Variants in ZC3H12D observed in about 807,000 individuals in gnomAD.
ZC3H12D encodes probable ribonuclease ZC3H12D.
ZC3H12D carries 11 observed loss-of-function variants against 24.2 expected under a neutral mutation model. The ratio of observed to expected loss-of-function variants is 0.46; its 90% confidence interval spans 0.29 to 0.75. The LOEUF (loss-of-function observed/expected upper bound fraction) is 0.75. Ranked by LOEUF, ZC3H12D falls within the 30% of genes least tolerant of loss-of-function variation. ZC3H12D has a pLI of 0.11. For missense variants in ZC3H12D, 740 were observed against 767.7 expected, an observed-to-expected ratio of 0.96 and a Z score of 0.43; for synonymous variants, 333 against 341.8, an observed-to-expected ratio of 0.97 and a Z score of 0.28.
rs1249854889 is a variant in ZC3H12D, at chr6:149,474,412, G to T, written c.132C>A (p.Gly44=). 8.7e-6 allele frequency: 14 copies of T among 1,608,214 alleles called. No individual in the cohort carries two copies. The highest frequency in any genetic ancestry group is 1.2e-5 in the Non-Finnish European group (14 of 1,175,792). The change falls in exon 2 of 6, where the codon GGC becomes GGA. Residue 44 remains glycine, a synonymous_variant. Coordinates refer to ENST00000409806, the MANE Select transcript of ZC3H12D (RefSeq NM_207360.3). The stretch of plus-strand genomic sequence containing the variant: ...GGTGCTCCAGGGCACCCGGGCGGCT[G>T]CCCGTGCGGATAAGCTCCTGCAGCA... The part of the protein sequence containing the change: ...NDVLQELIRT[G]SRPGALEHPA...
intron 3 of ZC3H12D, among the ~76,000 whole-genome samples, chr6:149,459,305 C>A (rs1457468753): frequency 6.6e-6 from 1 of 152,212 alleles, no homozygotes. Flanking sequence ...CAGTTCATGA[C>A]AGGGAACTGA....
intron 4 of ZC3H12D, among the ~76,000 whole-genome samples, chr6:149,454,098 C>T (rs1775942484): frequency 6.6e-6 from 1 of 152,220 alleles, no homozygotes; most frequent in African/African-American, 2.4e-5. Context: ...TAACCTCCTC[C>T]TCTGCGCACC....
chr6:149,483,955 G>A (rs534980805), intron 1 of ZC3H12D, among the ~76,000 whole-genome samples: 2 of 152,304 alleles, frequency 1.3e-5, no homozygotes, highest in African/African-American at 4.8e-5. Flanking sequence ...CTCTGCCTCT[G>A]GGCCTCTGTG....
In ZC3H12D at chr6:149,474,256, G is replaced by A; in HGVS notation, c.288C>T (p.Gly96=). 1.3e-6 allele frequency: 2 copies of A among 1,486,392 alleles called. No individual in the cohort carries two copies. Among genetic ancestry groups the A allele is most frequent in the Non-Finnish European group, 1.8e-6 (2 of 1,108,678 alleles). 92.1% of individuals were successfully genotyped at this position (1,486,392 alleles called of 1,614,324 possible). The part of the protein sequence containing the change: ...ASSLRPIVID[G]SNVAMSHGNK... Reference sequence around the variant, plus strand: ...GAAGCTACCTCATCGCCACGTTGCTGCCATCAATCACTATGGGTCGCAGAG... The same window carrying A: ...GAAGCTACCTCATCGCCACGTTGCTACCATCAATCACTATGGGTCGCAGAG... Residue 96 remains glycine, a synonymous_variant, in exon 2 of 6, where the codon GGC becomes GGT. Coordinates refer to ENST00000409806, the MANE Select transcript of ZC3H12D (RefSeq NM_207360.3).
At position 149,456,623 on chromosome 6, in the gene ZC3H12D, G is replaced by GGGGGCCCGGCC; in HGVS notation, c.680+42_680+43insGGCCGGGCCCC. The GGGGGCCCGGCC allele has an allele frequency of 1.3e-6, 1 of 744,590 alleles. No homozygotes were observed. Among genetic ancestry groups the GGGGGCCCGGCC allele is most frequent in the Non-Finnish European group, 2.2e-6 (1 of 456,108 alleles). The allele number at this position is 744,590 out of a possible 1,614,324, so 46.1% of individuals were successfully genotyped here. On this transcript the variant is annotated intron_variant, in intron 4 of 5. Coordinates refer to ENST00000409806, the MANE Select transcript of ZC3H12D (RefSeq NM_207360.3). The surrounding 1 kb of genome is among the most constrained non-coding windows in gnomAD (Gnocchi z 4.3). ...GCCACTGCCTCGACCCCGGCCCCCC[G>GGGGGCCCGGCC]CCCCGCCGCCCCCCAGGGTGTCAGG...
At chr6:149,462,291 T>C in intron 2 of ZC3H12D, among the ~76,000 whole-genome samples, 1 of 152,086 alleles carries the variant, frequency 6.6e-6, no homozygotes, top group Non-Finnish European at 1.5e-5. Context: ...GGAAAATCAC[T>C]TGAACCCGAA....
chr6:149,458,617 AGGGTATATCTCCAAGAGTGAATAT>A (rs1200208392), intron 3 of ZC3H12D, among the ~76,000 whole-genome samples: 1 of 152,214 alleles, frequency 6.6e-6, no homozygotes, highest in Non-Finnish European at 1.5e-5. Context: ...GGACCTCTTC[AGGGTATATCTCCAAGAGTGAATAT>A]GGCTGAGCTG....
chr6:149,480,466 C>T (rs1165520393), intron 1 of ZC3H12D, among the ~76,000 whole-genome samples: 3 of 152,208 alleles, frequency 2.0e-5, no homozygotes, highest in African/African-American at 7.2e-5. Flanking sequence ...AAGAAGAGAA[C>T]AATAGATACC....
chr6:149,451,157 C>T lies in ZC3H12D; in HGVS notation c.1110G>A (p.Thr370=). The change falls in exon 6 of 6, where the codon ACG becomes ACA. Residue 370 remains threonine, a synonymous_variant. Transcript: ENST00000409806. ...CCCAGTCGGGCCCGCCCAGTCGGGG[C>T]GTGAGGCTGCAGGCGGGGACCGGGA... ...PPLPVPACSL[T]PRLGGPDWVS... is the part of the protein sequence containing the mutation. 1 of 1,329,204 alleles carries T rather than the reference C, an allele frequency of 7.5e-7. No homozygotes were observed. 82.3% of individuals were successfully genotyped at this position (1,329,204 alleles called of 1,614,324 possible). A position where few individuals can be genotyped will look rare whatever the true frequency, so the allele number is the denominator to read the frequency against.
chr6:149,460,229 C>A (rs535276539), intron 3 of ZC3H12D, among the ~76,000 whole-genome samples: 1 of 152,332 alleles, frequency 6.6e-6, no homozygotes, highest in Non-Finnish European at 1.5e-5. Context: ...ATGTTCAAAG[C>A]AAATACTCAT....
chr6:149,471,705 G>A (rs1169323733), intron 2 of ZC3H12D, among the ~76,000 whole-genome samples: 1 of 152,188 alleles, frequency 6.6e-6, no homozygotes, highest in East Asian at 1.9e-4. Context: ...ACAGTCTCTA[G>A]AAGCTGGAAA....
At position 149,456,881 on chromosome 6, in the gene ZC3H12D, C is replaced by T. The variant is rs373561994; in HGVS notation, c.465G>A (p.Glu155=). 62 of 1,603,234 alleles carry T rather than the reference C, an allele frequency of 3.9e-5. No individual in the cohort carries two copies. Among genetic ancestry groups the T allele is most frequent in the Admixed American group, 3.8e-4 (23 of 59,952 alleles). Residue 155 remains glutamate, a synonymous_variant, in exon 4 of 6, where the codon GAG becomes GAA. Coordinates refer to ENST00000409806, the MANE Select transcript of ZC3H12D (RefSeq NM_207360.3). This position sits in a 1 kb window ranked among gnomAD's most constrained non-coding sequence, Gnocchi z 4.3. ...ACACCAGCACCGCCTGCCGCTCCAGCTCCGCCAGCACGTGCTGCTCTGAGG... is the reference window on the plus strand; with the variant it reads ...ACACCAGCACCGCCTGCCGCTCCAGTTCCGCCAGCACGTGCTGCTCTGAGG... ...TPIREQHVLA[E]LERQAVLVYT...
Position 149,456,934 on chromosome 6 carries a change from C to A in ZC3H12D, c.446-34G>T, listed in dbSNP as rs1277937789. 1 of 1,574,754 alleles carries A rather than the reference C, an allele frequency of 6.4e-7. No individual in the cohort carries two copies. The highest frequency in any genetic ancestry group is 2.3e-5 in the East Asian group (1 of 44,374). ...GGGGCGACGGAGACGCGGGTGAGGG[C>A]CCAAGGGCACCGCCCCTGAGAACCA... is the stretch of plus-strand genomic sequence containing the variant. On this transcript the variant is annotated intron_variant, in intron 3 of 5. Coordinates refer to ENST00000409806, the MANE Select transcript of ZC3H12D (RefSeq NM_207360.3). The surrounding 1 kb of genome is among the most constrained non-coding windows in gnomAD (Gnocchi z 4.3).
rs543098396 is a variant in ZC3H12D at position 149,452,990 on chromosome 6, T to C, written c.681-268A>G. ...GCAGTGTCAGAATCACCTAGCAACT[T>C]AAAAATGCAGTCATCTGAGTGCAGT... On this transcript the variant is annotated intron_variant, in intron 4 of 5. Coordinates refer to ENST00000409806, the MANE Select transcript of ZC3H12D (RefSeq NM_207360.3). The surrounding 1 kb of genome is among the most constrained non-coding windows in gnomAD (Gnocchi z 4.0). 6.6e-6 allele frequency among the ~76,000 whole-genome samples: 1 copy of C among 152,054 alleles called. No individual in the cohort carries two copies. The highest frequency in any genetic ancestry group is 1.9e-4 in the East Asian group (1 of 5,176).
chr6:149,464,251 A>AAAAGGGGT (rs1776118318), intron 2 of ZC3H12D, among the ~76,000 whole-genome samples: 1 of 152,090 alleles, frequency 6.6e-6, no homozygotes, highest in Non-Finnish European at 1.5e-5. Context: ...AAGCCAGGGG[A>AAAAGGGGT]AAAGGGGTCA....
At position 149,456,650 on chromosome 6, in the gene ZC3H12D, C is replaced by T; in HGVS notation, c.680+16G>A. 4 of 1,586,850 alleles carry T rather than the reference C, an allele frequency of 2.5e-6. No homozygotes were observed. In the African/African-American group the frequency reaches 4.0e-5, roughly 16 times the overall value. On this transcript the variant is annotated intron_variant, in intron 4 of 5. Coordinates refer to ENST00000409806, the MANE Select transcript of ZC3H12D (RefSeq NM_207360.3). The surrounding 1 kb of genome is among the most constrained non-coding windows in gnomAD (Gnocchi z 4.3). ...CCCGCCGCCCCCCAGGGTGTCAGGACCCCAGCCGGACCTACCGGTCGTTGA... is the reference window on the plus strand; with the variant it reads ...CCCGCCGCCCCCCAGGGTGTCAGGATCCCAGCCGGACCTACCGGTCGTTGA...
intron 2 of ZC3H12D, 87 bp downstream of exon 2, chr6:149,474,152 A>AC: frequency 8.0e-7 from 1 of 1,246,702 alleles, no homozygotes; most frequent in Non-Finnish European, 1.1e-6. Context: ...AGCTCTTTGG[A>AC]CCAAACCACA....
chr6:149,480,878 C>T (rs1173753814), intron 1 of ZC3H12D, among the ~76,000 whole-genome samples: 2 of 148,796 alleles, frequency 1.3e-5, no homozygotes, highest in Admixed American at 6.6e-5. Flanking sequence ...GAAGAAGGGC[C>T]GTGTCACACT....
At position 149,452,412 on chromosome 6, in the gene ZC3H12D, G is replaced by C; in HGVS notation, c.787+204C>G. The C allele has an allele frequency of 4.1e-6, 2 of 483,596 alleles. No homozygotes were observed. The highest frequency in any genetic ancestry group is 7.2e-6 in the Non-Finnish European group (2 of 278,900). 30.0% of individuals were successfully genotyped at this position (483,596 alleles called of 1,614,324 possible). A position where few individuals can be genotyped will look rare whatever the true frequency, so the allele number is the denominator to read the frequency against. On this transcript the variant is annotated intron_variant, in intron 5 of 5. Coordinates refer to ENST00000409806, the MANE Select transcript of ZC3H12D (RefSeq NM_207360.3). This position sits in a 1 kb window ranked among gnomAD's most constrained non-coding sequence, Gnocchi z 4.0. ...CATCCGACCCTGGCATGGGATCCTG[G>C]CTCCCATGAAATCACCGGCCAGGAT... is the stretch of plus-strand genomic sequence containing the variant.
Sources: gnomAD v4.1 joint callset for allele counts (sites outside exome capture counted in the v4.1 genomes callset) on GRCh38, gnomAD v4.1.1 for gene constraint, Gnocchi (gnomAD v3.1) non-coding constraint, MANE v1.5 for transcripts, NCBI Gene and HGNC (gene_info 2026-07-23, HGNC 2026-07-21) for gene names.